The following ADAM9 variants were observed in gnomAD, a reference collection of about 807,000 sequenced individuals.
The protein encoded by ADAM9 is disintegrin and metalloproteinase domain-containing protein 9.
ADAM9 carries 54 observed loss-of-function variants against 108.1 expected under a neutral mutation model. That is an observed-to-expected ratio of 0.50 (90% confidence interval 0.40 to 0.63). The LOEUF (loss-of-function observed/expected upper bound fraction) is 0.63. Among genes scored for constraint, ADAM9 ranks in the 20% least tolerant of loss-of-function variants. The probability of loss-of-function intolerance (pLI) is 0.00; values close to 1 mark genes in which losing one functional copy is unlikely to be tolerated. For missense variants in ADAM9, 830 were observed against 997.7 expected, an observed-to-expected ratio of 0.83 and a Z score of 2.26; for synonymous variants, 316 against 336.0, an observed-to-expected ratio of 0.94 and a Z score of 0.65.
Position 39,021,693 on chromosome 8 carries a change from C to T in ADAM9, c.723C>T (p.Leu241=). ...NQTAVREEMI[L]LANYLDSMYI... The stretch of plus-strand genomic sequence containing the variant: ...CTGCTGTGAGAGAAGAGATGATTCT[C>T]CTGGCAAACTACTTGGATAGTGTAA... Residue 241 remains leucine, a synonymous_variant, in exon 8 of 22, where the codon CTC becomes CTT. Transcript: ENST00000487273. 6.2e-7 allele frequency: 1 copy of T among 1,613,800 alleles called. No homozygotes were observed. The highest frequency in any genetic ancestry group is 1.1e-5 in the South Asian group (1 of 91,074).
intron 11 of ADAM9, among the ~76,000 whole-genome samples, chr8:39,036,122 A>G (rs2094780449): frequency 6.6e-6 from 1 of 152,036 alleles, no homozygotes; most frequent in Admixed American, 6.6e-5. Flanking sequence ...AATAAAATGG[A>G]TAATCTACCC....
At chr8:39,099,531 T>A (rs1161327597) in intron 20 of ADAM9, among the ~76,000 whole-genome samples, 1 of 152,116 alleles carries the variant, frequency 6.6e-6, no homozygotes, top group African/African-American at 2.4e-5. Flanking sequence ...TCTTATAAAT[T>A]TACCAGAAAT....
chr8:39,101,081 C>T (rs373056813), intron 20 of ADAM9, among the ~76,000 whole-genome samples: 1 of 152,076 alleles, frequency 6.6e-6, no homozygotes, highest in African/African-American at 2.4e-5. Context: ...AATACATTGA[C>T]ATAGGAAATA....
chr8:39,033,678 G>T (rs932401046), intron 11 of ADAM9, among the ~76,000 whole-genome samples: 2 of 151,744 alleles, frequency 1.3e-5, no homozygotes, highest in Admixed American at 6.6e-5. Context: ...CCATACCACT[G>T]AGAAAGAAAT....
chr8:39,001,504 A>G (rs573881797), intron 1 of ADAM9, among the ~76,000 whole-genome samples: 8 of 152,338 alleles, frequency 5.3e-5, no homozygotes, highest in Non-Finnish European at 7.3e-5. Context: ...AGGGCATTAA[A>G]TCTTAGAAAT....
chr8:39,088,106 G>T (rs922095333), intron 18 of ADAM9, among the ~76,000 whole-genome samples: 1 of 152,050 alleles, frequency 6.6e-6, no homozygotes, highest in African/African-American at 2.4e-5. Flanking sequence ...TGTAGAGTAG[G>T]CTGAGGAGGA....
chr8:39,023,392 G>C (rs898950062), intron 9 of ADAM9, 67 bp downstream of exon 9: 16 of 1,467,490 alleles, frequency 1.1e-5, no homozygotes, highest in Non-Finnish European at 1.5e-5. Flanking sequence ...TTATTTTCTT[G>C]TATTAGAATT....
At chr8:39,006,363 A>C (rs1836161155) in intron 1 of ADAM9, among the ~76,000 whole-genome samples, 1 of 152,042 alleles carries the variant, frequency 6.6e-6, no homozygotes, top group African/African-American at 2.4e-5. Context: ...TATCTTTTTA[A>C]TCCCAAACCA....
intron 1 of ADAM9, among the ~76,000 whole-genome samples, chr8:39,003,991 A>G (rs1180773320): frequency 1.3e-5 from 2 of 152,266 alleles, no homozygotes. Flanking sequence ...GCCTGAAACT[A>G]TAAGTAAAGT....
At chr8:39,087,935 T>C (rs1177493390) in intron 18 of ADAM9, among the ~76,000 whole-genome samples, 1 of 152,220 alleles carries the variant, frequency 6.6e-6, no homozygotes, top group African/African-American at 2.4e-5. Context: ...AACAGTTGAT[T>C]ACCATAGATT....
intron 14 of ADAM9, among the ~76,000 whole-genome samples, chr8:39,061,360 G>A (rs1838293068): frequency 6.6e-6 from 1 of 152,160 alleles, no homozygotes; most frequent in Non-Finnish European, 1.5e-5. Context: ...TGGGTTCAGG[G>A]ACCCACTAGG....
At chr8:39,074,838 T>C (rs1205601534) in intron 15 of ADAM9, among the ~76,000 whole-genome samples, 3 of 152,002 alleles carry the variant, frequency 2.0e-5, no homozygotes, top group Admixed American at 6.6e-5. Flanking sequence ...AGTTTCCTTT[T>C]GGTGTTGCTT....
chr8:39,100,217 C>T (rs993670981), intron 20 of ADAM9, among the ~76,000 whole-genome samples: 2 of 151,600 alleles, frequency 1.3e-5, no homozygotes, highest in African/African-American at 2.4e-5. Context: ...CGGCTGGGCG[C>T]GGTGGCTCAT....
At chr8:39,082,889 C>T (rs1373706070) in intron 17 of ADAM9, 79 bp from the exon 18 acceptor site, 1 of 1,398,858 alleles carries the variant, frequency 7.1e-7, no homozygotes, top group Non-Finnish European at 1.0e-6. Flanking sequence ...TTAGTCCTTT[C>T]TCTTGGTTTC....
At chr8:39,074,002 C>G (rs2129441662) in intron 15 of ADAM9, among the ~76,000 whole-genome samples, 2 of 152,246 alleles carry the variant, frequency 1.3e-5, no homozygotes, top group Middle Eastern at 6.8e-3. Flanking sequence ...ATAATAATGG[C>G]ACCTGTTTCC....
In ADAM9 at chr8:39,103,818, C is replaced by T. The variant is rs777770602; in HGVS notation, c.*118C>T. The T allele has an allele frequency of 8.5e-6, 8 of 942,386 alleles. No individual in the cohort carries two copies. In the Admixed American group the frequency reaches 1.5e-4, roughly 18 times the overall value. 58.4% of individuals were successfully genotyped at this position (942,386 alleles called of 1,614,324 possible). A position where few individuals can be genotyped will look rare whatever the true frequency, so the allele number is the denominator to read the frequency against. On this transcript the variant is annotated 3_prime_UTR_variant, in exon 22 of 22. Coordinates refer to ENST00000487273, the MANE Select transcript of ADAM9 (RefSeq NM_003816.3). ...AACTATGAATGAAAACAAAACACCA[C>T]AAAACAGACTTCACTAACACAGAAA...
intron 18 of ADAM9, among the ~76,000 whole-genome samples, chr8:39,086,207 G>T (rs1013538901): frequency 1.9e-4 from 29 of 152,116 alleles, no homozygotes; most frequent in African/African-American, 6.7e-4. Context: ...TAGAGACAGG[G>T]TTTTACGCTG....
At chr8:39,090,636 ATGT>A (rs1839322680) in intron 19 of ADAM9, among the ~76,000 whole-genome samples, 1 of 152,006 alleles carries the variant, frequency 6.6e-6, no homozygotes, top group Non-Finnish European at 1.5e-5. Context: ...AGAAAGGCTT[ATGT>A]TGGTCAGCCT....
intron 1 of ADAM9, among the ~76,000 whole-genome samples, chr8:39,002,987 G>A (rs1024688120): frequency 3.3e-5 from 5 of 151,174 alleles, no homozygotes; most frequent in African/African-American, 9.7e-5. Context: ...AAGTGGTCTC[G>A]TGCCTCAGCC....
Sources: allele counts gnomAD v4.1 joint callset (sites outside exome capture counted in the v4.1 genomes callset), GRCh38; gene constraint gnomAD v4.1.1; transcripts MANE v1.5; gene names NCBI Gene and HGNC (gene_info 2026-07-23, HGNC 2026-07-21).